ITGA9: variants seen among roughly 807,000 people sequenced by gnomAD.
ITGA9 encodes the protein integrin alpha-9.
ITGA9 carries 56 observed loss-of-function variants against 127.8 expected under a neutral mutation model. The ratio of observed to expected loss-of-function variants is 0.44; its 90% CI spans 0.35 to 0.55. The LOEUF (loss-of-function observed/expected upper bound fraction) is 0.55. Ranked by LOEUF, ITGA9 falls within the 20% of genes least tolerant of loss-of-function variation. The pLI is 0.00. For synonymous variants in ITGA9, 508 were observed against 514.5 expected (o/e 0.99, Z 0.17); for missense variants, 1,196 against 1,347.1 (o/e 0.89, Z 1.76).
rs190849803 is a variant in ITGA9 at position 37,643,686 on chromosome 3, T to C, written c.1840-10028T>C. On this transcript the variant is annotated intron_variant, in intron 16 of 27. Transcript: ENST00000264741. Reference sequence around the variant, plus strand: ...GTGTTTAAACACACCCGGTGGACAGTGTCTGGCTGGGGAGGAAACGTTAGC... The same window carrying C: ...GTGTTTAAACACACCCGGTGGACAGCGTCTGGCTGGGGAGGAAACGTTAGC... Among the ~76,000 whole-genome samples the C allele has an allele frequency of 6.6e-5, 10 of 152,266 alleles. 1 individual carries two copies. The South Asian group carries it at 1.2e-3, about 19-fold the overall frequency.
rs189112756 is a variant in ITGA9 at position 37,743,765 on chromosome 3, G to A, written c.2325-161G>A. Among the ~76,000 whole-genome samples, 418 of 152,296 alleles carry A rather than the reference G, an allele frequency of 2.7e-3. 3 individuals are homozygous for A. The highest frequency in any genetic ancestry group is 4.5e-3 in the Non-Finnish European group (303 of 68,028). ...TGAGAAGACACTACTATTCATGCCT[G>A]GTCAGAAAGCACAGACTGGCTATGT... On this transcript the variant is annotated intron_variant, in intron 21 of 27. Coordinates refer to ENST00000264741, the MANE Select transcript of ITGA9 (RefSeq NM_002207.3).
At chr3:37,499,054 C>CAAGT (rs1698761905) in intron 5 of ITGA9, among the ~76,000 whole-genome samples, 2 of 152,252 alleles carry the variant, frequency 1.3e-5, no homozygotes, top group African/African-American at 4.8e-5. Flanking sequence ...CCTGCTTGAC[C>CAAGT]TACAGGTCAG....
intron 1 of ITGA9, among the ~76,000 whole-genome samples, chr3:37,465,564 G>A (rs999197629): frequency 3.9e-5 from 6 of 152,198 alleles, no homozygotes; most frequent in African/African-American, 1.2e-4. Context: ...ACCCTTGTGA[G>A]CATAACCAGT....
intron 26 of ITGA9, among the ~76,000 whole-genome samples, chr3:37,795,627 G>A (rs543878233): frequency 1.8e-4 from 27 of 152,272 alleles, no homozygotes; most frequent in African/African-American, 5.3e-4. Flanking sequence ...TCAGCGTCCA[G>A]TGTGTGAGCC....
intron 13 of ITGA9, among the ~76,000 whole-genome samples, chr3:37,531,514 C>T (rs993229539): frequency 2.0e-5 from 3 of 152,172 alleles, no homozygotes; most frequent in Admixed American, 2.0e-4. Flanking sequence ...TCCTGCCTGC[C>T]GCACTGTCTT....
chr3:37,620,614 C>G (rs142558544), intron 15 of ITGA9, among the ~76,000 whole-genome samples: 1 of 152,232 alleles, frequency 6.6e-6, no homozygotes, highest in East Asian at 1.9e-4. Flanking sequence ...GCTTGGACCC[C>G]CTCTGACCTT....
intron 9 of ITGA9, among the ~76,000 whole-genome samples, chr3:37,517,188 G>T (rs1042586190): frequency 6.6e-6 from 1 of 152,346 alleles, no homozygotes; most frequent in Non-Finnish European, 1.5e-5. Flanking sequence ...ATGGGGGAAA[G>T]GTGGGTAGGG....
At chr3:37,693,431 C>A (rs2125668558) in intron 18 of ITGA9, among the ~76,000 whole-genome samples, 1 of 152,260 alleles carries the variant, frequency 6.6e-6, no homozygotes. Context: ...TGACAGAAGG[C>A]ATCGAGGGCT....
chr3:37,636,242 C>T (rs1700277590), intron 16 of ITGA9, among the ~76,000 whole-genome samples: 1 of 152,092 alleles, frequency 6.6e-6, no homozygotes, highest in Non-Finnish European at 1.5e-5. Context: ...GTTGACAGTC[C>T]CACCAACAGT....
chr3:37,484,477 A>G (rs2125560278), intron 4 of ITGA9, among the ~76,000 whole-genome samples: 1 of 152,284 alleles, frequency 6.6e-6, no homozygotes, highest in Non-Finnish European at 1.5e-5. Flanking sequence ...TATTTCCTCA[A>G]TGTGGAGAAA....
At chr3:37,748,193 C>T (rs750486343) in intron 22 of ITGA9, 18 of 452,768 alleles carry the variant, frequency 4.0e-5, no homozygotes, top group Non-Finnish European at 5.5e-5. Flanking sequence ...GTTTTTTTGG[C>T]CACGTGTATG....
At chr3:37,737,551 C>G (rs552256857) in intron 20 of ITGA9, among the ~76,000 whole-genome samples, 3 of 152,234 alleles carry the variant, frequency 2.0e-5, no homozygotes, top group Non-Finnish European at 4.4e-5. Flanking sequence ...GTGCCCGCCC[C>G]TCTCCAGGAT....
At chr3:37,788,671 G>A (rs1201861601) in intron 26 of ITGA9, among the ~76,000 whole-genome samples, 1 of 152,044 alleles carries the variant, frequency 6.6e-6, no homozygotes, top group Non-Finnish European at 1.5e-5. Flanking sequence ...GTGCTAAAAT[G>A]GATGAAGCGG....
intron 15 of ITGA9, among the ~76,000 whole-genome samples, chr3:37,588,400 C>G (rs775254303): frequency 1.3e-5 from 2 of 149,938 alleles, no homozygotes; most frequent in Non-Finnish European, 3.0e-5. Flanking sequence ...GACACCCATC[C>G]AAGCTTCGTC....
chr3:37,636,100 G>A (rs76172991), intron 16 of ITGA9, among the ~76,000 whole-genome samples: 84,922 of 151,396 alleles, frequency 0.56, 24,235 homozygotes, highest in African/African-American at 0.66. Flanking sequence ...ATACATGTGC[G>A]TGTGTCTTTA....
intron 23 of ITGA9, among the ~76,000 whole-genome samples, chr3:37,774,492 C>T (rs1385110075): frequency 3.3e-5 from 5 of 149,692 alleles, no homozygotes; most frequent in Admixed American, 6.6e-5. Context: ...CTAAGGAGTT[C>T]GAGACCAGCC....
chr3:37,490,892 A>G (rs1698662996), intron 4 of ITGA9, among the ~76,000 whole-genome samples: 1 of 151,090 alleles, frequency 6.6e-6, no homozygotes, highest in South Asian at 2.1e-4. Flanking sequence ...GAGTTCCACA[A>G]CCTGGTTCCA....
At chr3:37,605,792 A>G (rs1002514903) in intron 15 of ITGA9, among the ~76,000 whole-genome samples, 1 of 152,226 alleles carries the variant, frequency 6.6e-6, no homozygotes, top group African/African-American at 2.4e-5. Context: ...TTGTTTCTTT[A>G]CTGCCATCAG....
At chr3:37,692,968 A>G (rs2125668285) in intron 18 of ITGA9, among the ~76,000 whole-genome samples, 1 of 152,326 alleles carries the variant, frequency 6.6e-6, no homozygotes, top group East Asian at 1.9e-4. Context: ...GGAAGAACAA[A>G]GAAACAGTGC....
Sources: gnomAD v4.1 joint callset for allele counts (sites outside exome capture counted in the v4.1 genomes callset) on GRCh38, gnomAD v4.1.1 for gene constraint, MANE v1.5 for transcripts, NCBI Gene and HGNC (gene_info 2026-07-23, HGNC 2026-07-21) for gene names.